The following C1orf87 variants were observed in gnomAD, a reference collection of about 807,000 sequenced individuals.
The protein encoded by C1orf87 is uncharacterized protein C1orf87.
A neutral mutation model predicts 60.5 loss-of-function variants in C1orf87; 58 were observed. The observed-to-expected ratio is 0.96, with a 90% confidence interval of 0.78 to 1.19. The LOEUF (loss-of-function observed/expected upper bound fraction) is 1.19. C1orf87 is among the 50% of genes most tolerant of loss of function. C1orf87 has a pLI of 0.00. For missense variants in C1orf87, 673 were observed against 638.6 expected, an observed-to-expected ratio of 1.05 and a Z score of -0.58; for synonymous variants, 236 against 227.4, an observed-to-expected ratio of 1.04 and a Z score of -0.34.
In C1orf87 at chr1:60,064,791, T is replaced by A. The variant is rs1178002878; in HGVS notation, c.107+7746A>T. On this transcript the variant is annotated intron_variant, in intron 2 of 11. Transcript: ENST00000371201. ...TTATATTTAATATATAAATATATAT[T>A]AAATATATAATTATATTTAATATAT... Among the ~76,000 whole-genome samples the A allele has an allele frequency of 8.6e-5, 8 of 92,748 alleles. No homozygotes were observed. In the East Asian group the frequency reaches 2.2e-3, roughly 25 times the overall value. 60.8% of individuals were successfully genotyped at this position (92,748 alleles called of 152,430 possible).
chr1:60,000,466 G>A (rs550095397), intron 10 of C1orf87, among the ~76,000 whole-genome samples: 23 of 152,124 alleles, frequency 1.5e-4, no homozygotes, highest in African/African-American at 5.1e-4. Context: ...GCATGAGGAG[G>A]CCTCCCGTCA....
intron 8 of C1orf87, among the ~76,000 whole-genome samples, chr1:60,017,296 C>G (rs978171979): frequency 6.6e-6 from 1 of 152,168 alleles, no homozygotes; most frequent in Non-Finnish European, 1.5e-5. Flanking sequence ...TTCCTATTCC[C>G]GTCAGAAGTA....
At chr1:60,058,607 T>G (rs1645473226) in intron 2 of C1orf87, among the ~76,000 whole-genome samples, 1 of 152,186 alleles carries the variant, frequency 6.6e-6, no homozygotes, top group African/African-American at 2.4e-5. Context: ...ATTTCTTAAA[T>G]CAACCGTATA....
chr1:60,021,985 A>C (rs899841781), intron 8 of C1orf87, among the ~76,000 whole-genome samples: 2 of 152,144 alleles, frequency 1.3e-5, no homozygotes, highest in African/African-American at 4.8e-5. Context: ...GATAGGTGTT[A>C]AGGTGAAGTC....
chr1:60,005,838 CCTT>C (rs914849556), intron 9 of C1orf87, among the ~76,000 whole-genome samples: 6 of 145,218 alleles, frequency 4.1e-5, no homozygotes, highest in Admixed American at 4.1e-4. Context: ...GTGATTCTCT[CCTT>C]CATTATCCCC....
intron 2 of C1orf87, among the ~76,000 whole-genome samples, chr1:60,064,962 T>A (rs1183591448): frequency 1.1e-3 from 34 of 30,136 alleles, no homozygotes; most frequent in Admixed American, 2.1e-3. Context: ...ATATATAATA[T>A]ATAAATAAAT....
rs1000698515 is a variant in C1orf87, at chr1:60,037,882, C to T, written c.863+110G>A. On this transcript the variant is annotated intron_variant, in intron 6 of 11. Transcript: ENST00000371201. ...CAGCCTTCGCTTCAGCACTGTGATT[C>T]ATACATTTATATTCTTTATAAGCCA... 8.5e-6 allele frequency: 5 copies of T among 588,166 alleles called. No individual in the cohort carries two copies. The Admixed American group carries it at 8.7e-5, about 10-fold the overall frequency. 36.4% of individuals were successfully genotyped at this position (588,166 alleles called of 1,614,324 possible).
chr1:60,047,818 A>T (rs1014671231), intron 3 of C1orf87, among the ~76,000 whole-genome samples: 5 of 152,256 alleles, frequency 3.3e-5, no homozygotes, highest in Middle Eastern at 3.4e-3. Flanking sequence ...CAGTATCAAC[A>T]TAATGGTCAT....
Position 60,033,601 on chromosome 1 carries a change from T to C in C1orf87, c.904A>G (p.Arg302Gly), listed in dbSNP as rs1645254623. Residue 302 changes from arginine to glycine, a missense_variant, in exon 7 of 12, where the codon AGG becomes GGG. Transcript: ENST00000371201. ...ATCTTCAAAATCTCCAACAGACTCCTGTTCACTTCTGGCTGTGAGCTGGAG... is the reference window on the plus strand; with the variant it reads ...ATCTTCAAAATCTCCAACAGACTCCCGTTCACTTCTGGCTGTGAGCTGGAG... ...QHSSSQPEVN[R>G]SLLEILKMAL... 3.7e-6 allele frequency: 6 copies of C among 1,613,440 alleles called. No homozygotes were observed. Among genetic ancestry groups the C allele is most frequent in the Non-Finnish European group, 5.1e-6 (6 of 1,179,634 alleles).
chr1:60,004,679 ATTTTT>A (rs940701423), intron 9 of C1orf87, among the ~76,000 whole-genome samples: 2 of 151,080 alleles, frequency 1.3e-5, no homozygotes, highest in Non-Finnish European at 3.0e-5. Flanking sequence ...AGGCAGAGCT[ATTTTT>A]TTTTCTTTCT....
chr1:60,026,789 AAACTTTTTGAGTGCTGACAGGTCACC>A (rs1645201074), intron 7 of C1orf87, among the ~76,000 whole-genome samples: 1 of 152,214 alleles, frequency 6.6e-6, no homozygotes, highest in African/African-American at 2.4e-5. Context: ...CCAAAATCTG[AAACTTTTTGAGTGCTGACAGGTCACC>A]ACAAGTGCAG....
At chr1:59,993,231 A>C (rs979846905) in intron 11 of C1orf87, among the ~76,000 whole-genome samples, 22 of 152,026 alleles carry the variant, frequency 1.4e-4, no homozygotes, top group East Asian at 7.7e-4. Context: ...TAAATAAATA[A>C]ATAAATACAT....
At chr1:60,031,828 T>C (rs1361128438) in intron 7 of C1orf87, among the ~76,000 whole-genome samples, 1 of 152,204 alleles carries the variant, frequency 6.6e-6, no homozygotes, top group African/African-American at 2.4e-5. Context: ...TGGTTTCTAA[T>C]CTAAGAAGAA....
intron 11 of C1orf87, among the ~76,000 whole-genome samples, chr1:59,995,929 G>A (rs1229764211): frequency 6.6e-6 from 1 of 152,188 alleles, no homozygotes; most frequent in Non-Finnish European, 1.5e-5. Flanking sequence ...AGCTCCTTGA[G>A]GCCAGAGACT....
At chr1:60,032,185 C>A (rs1245439129) in intron 7 of C1orf87, among the ~76,000 whole-genome samples, 1 of 152,162 alleles carries the variant, frequency 6.6e-6, no homozygotes, top group African/African-American at 2.4e-5. Context: ...CTCTGTATAC[C>A]TAGATGAAAG....
intron 7 of C1orf87, among the ~76,000 whole-genome samples, chr1:60,027,523 T>A (rs1379269578): frequency 6.6e-6 from 1 of 152,236 alleles, no homozygotes; most frequent in African/African-American, 2.4e-5. Flanking sequence ...AGAAACAGAC[T>A]ATCTTTTCAG....
chr1:60,041,915 G>A (rs145728640), intron 3 of C1orf87, among the ~76,000 whole-genome samples: 38 of 152,172 alleles, frequency 2.5e-4, no homozygotes, highest in African/African-American at 8.7e-4. Flanking sequence ...AGACAACTAG[G>A]GATAGTCACT....
intron 2 of C1orf87, among the ~76,000 whole-genome samples, chr1:60,069,704 A>G (rs1269089697): frequency 6.6e-6 from 1 of 152,194 alleles, no homozygotes; most frequent in East Asian, 1.9e-4. Context: ...CTTTAAGACC[A>G]CTGAGGCCTT....
chr1:59,998,974 T>C (rs934737526), intron 10 of C1orf87, among the ~76,000 whole-genome samples: 1 of 152,170 alleles, frequency 6.6e-6, no homozygotes, highest in Non-Finnish European at 1.5e-5. Flanking sequence ...CATTGAAATC[T>C]AAATATTCCT....
Sources: allele counts gnomAD v4.1 joint callset (sites outside exome capture counted in the v4.1 genomes callset), GRCh38; gene constraint gnomAD v4.1.1; transcripts MANE v1.5; gene names NCBI Gene and HGNC (gene_info 2026-07-23, HGNC 2026-07-21).